Variants in CASS4 observed in about 807,000 individuals in gnomAD.
CASS4 encodes the protein Cas scaffold protein family member 4.
Under a neutral mutation model 54.2 loss-of-function variants are expected in CASS4, and 22 were observed. The ratio of observed to expected loss-of-function variants is 0.41; its 90% CI spans 0.29 to 0.58. The LOEUF (loss-of-function observed/expected upper bound fraction) is 0.58. Ranked by LOEUF, CASS4 falls within the 20% of genes least tolerant of loss-of-function variation. The probability of loss-of-function intolerance (pLI) is 0.36; values close to 1 mark genes in which losing one functional copy is unlikely to be tolerated. For missense variants in CASS4, 854 were observed against 986.7 expected, an observed-to-expected ratio of 0.87 and a Z score of 1.80; for synonymous variants, 409 against 391.5, an observed-to-expected ratio of 1.04 and a Z score of -0.53.
In CASS4 at chr20:56,453,038, C is replaced by T. The variant is rs1981117306; in HGVS notation, c.1862C>T (p.Ser621Leu). The change falls in exon 5 of 6, where the codon TCA (serine) becomes TTA (leucine). Residue 621 changes from serine to leucine, a missense_variant. Physicochemically the swap from Ser to Leu is moderately radical, Grantham distance 145 (BLOSUM62 -2). Coordinates refer to ENST00000679887, the MANE Select transcript of CASS4 (RefSeq NM_020356.4). ...CAGCCTCCCCAAAGAGAAACTGAATCACACCAAAAGAGTACCCCTTCCACT... is the reference window on the plus strand; with the variant it reads ...CAGCCTCCCCAAAGAGAAACTGAATTACACCAAAAGAGTACCCCTTCCACT... ...YIQPPQRETE[S>L]HQKSTPSTKQ... is the part of the protein sequence containing the mutation. 4.3e-6 allele frequency: 7 copies of T among 1,614,104 alleles called. No individual in the cohort carries two copies. Among genetic ancestry groups the T allele is most frequent in the Non-Finnish European group, 5.9e-6 (7 of 1,180,010 alleles).
intron 1 of CASS4, among the ~76,000 whole-genome samples, chr20:56,424,078 C>G (rs1345608463): frequency 6.6e-6 from 1 of 152,214 alleles, no homozygotes; most frequent in African/African-American, 2.4e-5. Context: ...TCTCACTTAA[C>G]TACTTTGCTA....
In CASS4 at chr20:56,452,719, AGAATTCGG is replaced by A. The variant is rs1278409969; in HGVS notation, c.1546_1553del (p.Ile516ProfsTer14). 3 of 1,614,030 alleles carry A rather than the reference AGAATTCGG, an allele frequency of 1.9e-6. No individual in the cohort carries two copies. The highest frequency in any genetic ancestry group is 2.5e-6 in the Non-Finnish European group (3 of 1,180,022). ...CCTCACTGACAGTAACCTTCAGAAC[AGAATTCGG>A]GACCAGATGCAGACCATCTCCAACT... On this transcript the variant is annotated frameshift_variant, in exon 5 of 6. Coordinates refer to ENST00000679887, the MANE Select transcript of CASS4 (RefSeq NM_020356.4). LOFTEE classifies it high-confidence loss of function.
chr20:56,446,772 A>G (rs1600768968), intron 3 of CASS4, among the ~76,000 whole-genome samples: 2 of 152,228 alleles, frequency 1.3e-5, no homozygotes, highest in East Asian at 3.9e-4. Flanking sequence ...AGACTGTTGA[A>G]TCAGGTCTAG....
At chr20:56,445,320 C>G (rs1980653174) in intron 2 of CASS4, among the ~76,000 whole-genome samples, 1 of 152,194 alleles carries the variant, frequency 6.6e-6, no homozygotes, top group Admixed American at 6.5e-5. Flanking sequence ...CCAGCTGCAG[C>G]TCAACTGGTC....
At chr20:56,450,031 C>CT (rs112371637) in intron 3 of CASS4, among the ~76,000 whole-genome samples, 33,067 of 145,528 alleles carry the variant, frequency 0.23, 4,205 homozygotes, top group East Asian at 0.57. Context: ...GTTGAGAGGT[C>CT]TTTTTTTTTT....
Position 56,451,968 on chromosome 20 carries a change from G to C in CASS4, c.792G>C (p.Ala264=). 1 of 1,614,120 alleles carries C rather than the reference G, an allele frequency of 6.2e-7. No individual in the cohort carries two copies. The highest frequency in any genetic ancestry group is 8.5e-7 in the Non-Finnish European group (1 of 1,180,026). ...SVRNTPLTSF[A]EESRPHALPS... ...GAAACACGCCTCTCACCAGCTTTGCGGAAGAATCAAGGCCCCACGCTCTCC... is the reference window on the plus strand; with the variant it reads ...GAAACACGCCTCTCACCAGCTTTGCCGAAGAATCAAGGCCCCACGCTCTCC... Residue 264 remains alanine, a synonymous_variant, in exon 5 of 6, where the codon GCG becomes GCC. Transcript: ENST00000679887.
At chr20:56,454,883 A>G (rs901550809) in intron 5 of CASS4, among the ~76,000 whole-genome samples, 2 of 152,200 alleles carry the variant, frequency 1.3e-5, no homozygotes, top group African/African-American at 2.4e-5. Flanking sequence ...CCTTTATTTT[A>G]GCAAGAGAGT....
At chr20:56,445,067 G>A (rs1026279746) in intron 2 of CASS4, among the ~76,000 whole-genome samples, 9 of 151,596 alleles carry the variant, frequency 5.9e-5, no homozygotes, top group East Asian at 1.9e-4. Context: ...CCGAGATCGC[G>A]CCATTGCACT....
chr20:56,441,927 A>T (rs1267274283), intron 2 of CASS4, among the ~76,000 whole-genome samples: 1 of 152,194 alleles, frequency 6.6e-6, no homozygotes, highest in African/African-American at 2.4e-5. Flanking sequence ...TCAGTTACAC[A>T]TTTTCTGATC....
intron 2 of CASS4, among the ~76,000 whole-genome samples, chr20:56,442,357 C>T (rs921616939): frequency 7.2e-5 from 11 of 151,756 alleles, no homozygotes; most frequent in African/African-American, 2.4e-4. Flanking sequence ...TGAAACTGCT[C>T]GTGCAGCCAC....
At chr20:56,423,746 T>C (rs995005056) in intron 1 of CASS4, among the ~76,000 whole-genome samples, 1 of 152,120 alleles carries the variant, frequency 6.6e-6, no homozygotes, top group African/African-American at 2.4e-5. Flanking sequence ...GGTTTCACCA[T>C]GTTGGCCAGG....
At position 56,458,398 on chromosome 20, in the gene CASS4, G is replaced by A. The variant is rs372446953; in HGVS notation, c.2012G>A (p.Arg671His). Reference sequence around the variant, plus strand: ...CAACAGACTCCTGAGAGGAAACCCCGCTTATCTGAACACTGCCGGCTCTAC... The same window carrying A: ...CAACAGACTCCTGAGAGGAAACCCCACTTATCTGAACACTGCCGGCTCTAC... Reference protein sequence around the residue: ...SSQQTPERKPRLSEHCRLYFG... With the variant: ...SSQQTPERKPHLSEHCRLYFG... Residue 671 changes from arginine (R) to histidine (H), a missense_variant, in exon 6 of 6, where the codon CGC becomes CAC. Arg to His is a conservative substitution (Grantham distance 29). Coordinates refer to ENST00000679887, the MANE Select transcript of CASS4 (RefSeq NM_020356.4). 6.2e-6 allele frequency: 10 copies of A among 1,613,966 alleles called. No individual in the cohort carries two copies. The highest frequency in any genetic ancestry group is 8.5e-6 in the Non-Finnish European group (10 of 1,180,002).
chr20:56,445,695 G>A (rs527330431), intron 2 of CASS4, among the ~76,000 whole-genome samples: 24 of 152,266 alleles, frequency 1.6e-4, no homozygotes, highest in Middle Eastern at 3.4e-3. Context: ...CGTGGGCCAC[G>A]TGCGAGGAAG....
Position 56,412,268 on chromosome 20 carries a change from T to C in CASS4, c.-191T>C. 1.6e-6 allele frequency: 1 copy of C among 633,346 alleles called. No individual in the cohort carries two copies. Among genetic ancestry groups the C allele is most frequent in the Non-Finnish European group, 2.8e-6 (1 of 358,222 alleles). 39.2% of individuals were successfully genotyped at this position (633,346 alleles called of 1,614,324 possible). A position where few individuals can be genotyped will look rare whatever the true frequency, so the allele number is the denominator to read the frequency against. On this transcript the variant is annotated 5_prime_UTR_variant, in exon 1 of 6. Transcript: ENST00000679887. The surrounding 1 kb of genome is among the most constrained non-coding windows in gnomAD (Gnocchi z 4.2). ...CCCTGCTTCACTGCTTTCATTTTAC[T>C]CTTATCGTGCTTTCCAGAAAGTTTG...
intron 4 of CASS4, 53 bp downstream of exon 4, chr20:56,450,732 C>G (rs1980957044): frequency 6.4e-7 from 1 of 1,556,638 alleles, no homozygotes; most frequent in African/African-American, 1.4e-5. Flanking sequence ...AAAATCCTCT[C>G]AGAAATGTTA....
chr20:56,437,692 C>CG lies in CASS4; in HGVS notation c.459+109dup. ...TGTCCTTCAGATCAAACACGCAAAA[C>CG]GGGAGCCCAGATTGCTGGCAATCAC... On this transcript the variant is annotated intron_variant, in intron 2 of 5. Transcript: ENST00000679887. The surrounding 1 kb of genome is among the most constrained non-coding windows in gnomAD (Gnocchi z 4.7). 2 of 1,068,050 alleles carry CG rather than the reference C, an allele frequency of 1.9e-6. No homozygotes were observed. Among genetic ancestry groups the CG allele is most frequent in the Non-Finnish European group, 2.6e-6 (2 of 767,520 alleles). The allele number at this position is 1,068,050 out of a possible 1,614,324, so 66.2% of individuals were successfully genotyped here. A position where few individuals can be genotyped will look rare whatever the true frequency, so the allele number is the denominator to read the frequency against.
chr20:56,433,267 A>G (rs1980001846), intron 1 of CASS4, among the ~76,000 whole-genome samples: 1 of 152,228 alleles, frequency 6.6e-6, no homozygotes, highest in African/African-American at 2.4e-5. Flanking sequence ...AGTGACATTT[A>G]AGATAAGCCT....
intron 2 of CASS4, among the ~76,000 whole-genome samples, chr20:56,442,405 C>T (rs1047282901): frequency 6.6e-6 from 1 of 151,768 alleles, no homozygotes; most frequent in Admixed American, 6.5e-5. Flanking sequence ...CCCCCCAAAA[C>T]ACAGCCCTTA....
intron 5 of CASS4, among the ~76,000 whole-genome samples, chr20:56,457,095 C>G (rs1408784132): frequency 1.3e-5 from 2 of 152,154 alleles, no homozygotes; most frequent in Non-Finnish European, 2.9e-5. Flanking sequence ...TCCAAATATG[C>G]AATTCTAATA....
Sources: allele counts gnomAD v4.1 joint callset (sites outside exome capture counted in the v4.1 genomes callset), GRCh38; gene constraint gnomAD v4.1.1; non-coding constraint Gnocchi (gnomAD v3.1); transcripts MANE v1.5; gene names NCBI Gene and HGNC (gene_info 2026-07-23, HGNC 2026-07-21).